The following ZNF407 variants were observed in gnomAD, a reference collection of about 807,000 sequenced individuals.
ZNF407 encodes the protein zinc finger protein 407.
ZNF407 carries 17 observed loss-of-function variants against 131.2 expected under a neutral mutation model. That is an observed-to-expected ratio of 0.13 (90% CI 0.09 to 0.19). ZNF407 has a LOEUF of 0.19. ZNF407 is among the 10% of genes least tolerant of loss of function. The probability of loss-of-function intolerance (pLI) is 1.00; values close to 1 mark genes in which losing one functional copy is unlikely to be tolerated. For synonymous variants in ZNF407, 1,156 were observed against 1,062.0 expected, an observed-to-expected ratio of 1.09 and a Z score of -1.72; for missense variants, 2,681 against 2,830.6, an observed-to-expected ratio of 0.95 and a Z score of 1.20.
chr18:74,929,270 G>C (rs1014848177), intron 8 of ZNF407, among the ~76,000 whole-genome samples: 1 of 152,132 alleles, frequency 6.6e-6, no homozygotes, highest in African/African-American at 2.4e-5. Context: ...TCCCTTCCCT[G>C]CTGCGCCAAG....
intron 1 of ZNF407, among the ~76,000 whole-genome samples, chr18:74,625,989 C>T (rs1468689990): frequency 6.6e-6 from 1 of 152,078 alleles, no homozygotes; most frequent in Non-Finnish European, 1.5e-5. Context: ...TCAAAGACAC[C>T]ATTAATCAAA....
chr18:74,903,065 T>C lies in ZNF407; in HGVS notation c.5249+13027T>C, dbSNP rs181762756. ...CCTAGGTGAGTCTAAGAGCTTGTGG[T>C]GACTTATGTGACCAGGCCTGCCAGA... On this transcript the variant is annotated intron_variant, in intron 7 of 8. Transcript: ENST00000299687. Among the ~76,000 whole-genome samples the C allele has an allele frequency of 7.3e-3, 1,107 of 152,306 alleles. 6 individuals are homozygous for C. Among genetic ancestry groups the C allele is most frequent in the Non-Finnish European group, 0.012 (826 of 68,032 alleles).
intron 3 of ZNF407, among the ~76,000 whole-genome samples, chr18:74,699,432 G>C (rs1967440546): frequency 6.6e-6 from 1 of 152,150 alleles, no homozygotes; most frequent in Admixed American, 6.5e-5. Context: ...TTGCGTATGG[G>C]AGCCCAGAGT....
chr18:74,858,243 A>T (rs1270427595), intron 4 of ZNF407, among the ~76,000 whole-genome samples: 1 of 150,274 alleles, frequency 6.7e-6, no homozygotes, highest in South Asian at 2.1e-4. Context: ...ATGTCCACGT[A>T]TTAACACCCC....
intron 4 of ZNF407, among the ~76,000 whole-genome samples, chr18:74,782,340 A>G (rs535353768): frequency 2.0e-5 from 3 of 152,300 alleles, no homozygotes; most frequent in African/African-American, 7.2e-5. Context: ...GTCTTCAGTC[A>G]TATTTGTAAA....
intron 3 of ZNF407, among the ~76,000 whole-genome samples, chr18:74,646,989 T>C (rs1342729993): frequency 2.0e-5 from 3 of 152,220 alleles, no homozygotes; most frequent in African/African-American, 4.8e-5. Flanking sequence ...TATAACAAAA[T>C]AGAAATAAAC....
intron 4 of ZNF407, among the ~76,000 whole-genome samples, chr18:74,858,518 A>C (rs915991578): frequency 6.6e-6 from 1 of 152,170 alleles, no homozygotes; most frequent in African/African-American, 2.4e-5. Context: ...TGTTTTCTGT[A>C]AGTTGATATA....
At chr18:74,940,310 G>A (rs1599255098) in intron 8 of ZNF407, among the ~76,000 whole-genome samples, 2 of 152,246 alleles carry the variant, frequency 1.3e-5, no homozygotes, top group Middle Eastern at 3.4e-3. Context: ...CTTTGCGGGG[G>A]CACTGAGGGC....
At chr18:74,768,803 T>G (rs973763057) in intron 3 of ZNF407, among the ~76,000 whole-genome samples, 1 of 152,224 alleles carries the variant, frequency 6.6e-6, no homozygotes, top group African/African-American at 2.4e-5. Flanking sequence ...TATTACCCTC[T>G]TTGGCCATAG....
At chr18:74,844,704 T>C (rs1209801689) in intron 4 of ZNF407, among the ~76,000 whole-genome samples, 1 of 152,104 alleles carries the variant, frequency 6.6e-6, no homozygotes, top group Non-Finnish European at 1.5e-5. Flanking sequence ...TGCAGAATTA[T>C]ATATTTAGAG....
chr18:74,908,759 T>C (rs76498958), intron 7 of ZNF407, among the ~76,000 whole-genome samples: 1,585 of 152,276 alleles, frequency 0.01, 27 homozygotes, highest in African/African-American at 0.035. Flanking sequence ...CTTACATAAA[T>C]TGTGAAACAA....
chr18:75,060,566 C>T lies in ZNF407; in HGVS notation c.5429-2584C>T, dbSNP rs1258492930. Among the ~76,000 whole-genome samples, 8 of 133,846 alleles carry T rather than the reference C, an allele frequency of 6.0e-5. No homozygotes were observed. The South Asian group carries it at 6.9e-4, about 12-fold the overall frequency. The allele number at this position is 133,846 out of a possible 152,430, so 87.8% of individuals were successfully genotyped here. A position where few individuals can be genotyped will look rare whatever the true frequency, so the allele number is the denominator to read the frequency against. On this transcript the variant is annotated intron_variant, in intron 8 of 8. Coordinates refer to ENST00000299687, the MANE Select transcript of ZNF407 (RefSeq NM_017757.3). ...TGTCGCCCAGGCTGGAGTGCGATGG[C>T]GCGGTCTCGGCTCACTGCGAGCTCC...
chr18:74,940,792 C>T (rs534800562), intron 8 of ZNF407, among the ~76,000 whole-genome samples: 10 of 152,278 alleles, frequency 6.6e-5, no homozygotes, highest in African/African-American at 2.2e-4. Context: ...CCCTCACTTA[C>T]CTGGATCCTT....
intron 8 of ZNF407, among the ~76,000 whole-genome samples, chr18:74,946,082 T>C (rs190668550): frequency 2.6e-5 from 4 of 152,346 alleles, no homozygotes; most frequent in Admixed American, 2.0e-4. Context: ...TTGATGAGAT[T>C]ATGAATTAAT....
intron 4 of ZNF407, among the ~76,000 whole-genome samples, chr18:74,838,239 G>A (rs1326937534): frequency 2.0e-5 from 3 of 152,148 alleles, no homozygotes; most frequent in South Asian, 4.1e-4. Context: ...TTAGATAGGT[G>A]CTTAGGGAGA....
At chr18:75,044,491 G>A (rs759647499) in intron 8 of ZNF407, among the ~76,000 whole-genome samples, 11 of 152,200 alleles carry the variant, frequency 7.2e-5, no homozygotes, top group South Asian at 2.1e-4. Context: ...GGCACCGTTC[G>A]TACTGATGTA....
At chr18:74,752,757 A>G (rs1968836343) in intron 3 of ZNF407, among the ~76,000 whole-genome samples, 1 of 152,156 alleles carries the variant, frequency 6.6e-6, no homozygotes, top group African/African-American at 2.4e-5. Context: ...TACCAGTACC[A>G]TGCTGTTTTG....
intron 3 of ZNF407, among the ~76,000 whole-genome samples, chr18:74,765,446 G>T (rs1467495946): frequency 6.6e-6 from 1 of 152,152 alleles, no homozygotes; most frequent in East Asian, 1.9e-4. Context: ...ACATGAAAAT[G>T]ATTTTTTTGC....
chr18:74,678,457 C>T (rs1046273337), intron 3 of ZNF407, among the ~76,000 whole-genome samples: 1 of 152,196 alleles, frequency 6.6e-6, no homozygotes, highest in Non-Finnish European at 1.5e-5. Flanking sequence ...TTTCTGCGCA[C>T]CTAGGCCCTG....
Sources: allele counts gnomAD v4.1 joint callset (sites outside exome capture counted in the v4.1 genomes callset), GRCh38; gene constraint gnomAD v4.1.1; transcripts MANE v1.5; gene names NCBI Gene and HGNC (gene_info 2026-07-23, HGNC 2026-07-21).